CDKAL1: variants seen among roughly 807,000 people sequenced by gnomAD.
The protein encoded by CDKAL1 is CDKAL1 threonylcarbamoyladenosine tRNA methylthiotransferase.
In CDKAL1, 32 loss-of-function variants were observed where a neutral mutation model predicts 68.2. The observed-to-expected ratio is 0.47, with a 90% CI of 0.35 to 0.63. The LOEUF is 0.63. CDKAL1 is among the 30% of genes least tolerant of loss of function. The pLI is 0.00. For synonymous variants in CDKAL1, 234 were observed against 244.3 expected (o/e 0.96, Z 0.39); for missense variants, 606 against 696.7 (o/e 0.87, Z 1.47).
At position 21,191,387 on chromosome 6, in the gene CDKAL1, C is replaced by A. The variant is rs1022339042; in HGVS notation, c.1300-6634C>A. Among the ~76,000 whole-genome samples, 9 of 152,286 alleles carry A rather than the reference C, an allele frequency of 5.9e-5. No homozygotes were observed. In the East Asian group the frequency reaches 1.7e-3, roughly 29 times the overall value. On this transcript the variant is annotated intron_variant, in intron 13 of 15. Transcript: ENST00000274695. ...TTGGGAAATTTAAGCATAGATGTGA[C>A]ACAAATGACACAGCTAGCTGATTAT...
chr6:20,730,494 A>AAAAG (rs143289855), intron 5 of CDKAL1, among the ~76,000 whole-genome samples: 110 of 151,292 alleles, frequency 7.3e-4, no homozygotes, highest in Admixed American at 1.4e-3. Flanking sequence ...AAAGAAAAAG[A>AAAAG]AAAGAAAGAA....
At chr6:21,101,129 A>G (rs1375556411) in intron 12 of CDKAL1, among the ~76,000 whole-genome samples, 5 of 152,224 alleles carry the variant, frequency 3.3e-5, no homozygotes, top group African/African-American at 1.2e-4. Flanking sequence ...AGCTGCAGGC[A>G]TAATACAGAG....
chr6:21,214,129 T>G (rs114699395), intron 15 of CDKAL1, among the ~76,000 whole-genome samples: 71 of 152,124 alleles, frequency 4.7e-4, no homozygotes, highest in African/African-American at 1.7e-3. Context: ...AATAGGCAAA[T>G]TCATAGAGAC....
intron 12 of CDKAL1, among the ~76,000 whole-genome samples, chr6:21,095,516 T>C (rs1455650155): frequency 6.6e-6 from 1 of 152,138 alleles, no homozygotes; most frequent in Non-Finnish European, 1.5e-5. Context: ...TACTTTATTT[T>C]TCTCTTGCTT....
At chr6:21,053,953 T>C (rs2150915870) in intron 11 of CDKAL1, among the ~76,000 whole-genome samples, 1 of 152,342 alleles carries the variant, frequency 6.6e-6, no homozygotes, top group South Asian at 2.1e-4. Flanking sequence ...GTAAGTTTAA[T>C]TTCTTAGTTT....
chr6:20,944,143 C>T (rs1181526448), intron 9 of CDKAL1, among the ~76,000 whole-genome samples: 1 of 152,228 alleles, frequency 6.6e-6, no homozygotes, highest in East Asian at 1.9e-4. Context: ...CCTGTCTGTA[C>T]TGTGACCTGG....
At chr6:20,659,598 T>C (rs1210968013) in intron 5 of CDKAL1, among the ~76,000 whole-genome samples, 1 of 152,204 alleles carries the variant, frequency 6.6e-6, no homozygotes, top group Non-Finnish European at 1.5e-5. Context: ...CCTTCCACTG[T>C]TTGGATATTG....
chr6:21,186,847 CATA>C (rs778834618), intron 13 of CDKAL1, among the ~76,000 whole-genome samples: 34 of 151,968 alleles, frequency 2.2e-4, no homozygotes, highest in Non-Finnish European at 3.7e-4. Flanking sequence ...AAAACAACAT[CATA>C]ATGTTTTAGA....
At chr6:20,626,552 A>G (rs1217802370) in intron 4 of CDKAL1, among the ~76,000 whole-genome samples, 3 of 152,196 alleles carry the variant, frequency 2.0e-5, no homozygotes, top group African/African-American at 7.2e-5. Context: ...CATTAATAAT[A>G]TTTTAAAACT....
chr6:20,787,382 C>G lies in CDKAL1; in HGVS notation c.638+6117C>G, dbSNP rs374454714. 2.1e-4 allele frequency among the ~76,000 whole-genome samples: 32 copies of G among 152,126 alleles called. 1 individual carries two copies. In the East Asian group the frequency reaches 2.3e-3, roughly 11 times the overall value. On this transcript the variant is annotated intron_variant, in intron 8 of 15. Transcript: ENST00000274695. ...CCTATTCCATTTCTGGATACGTAGG[C>G]TATCTACAAATATTTGAATGGATAT...
At chr6:20,578,949 C>A (rs1269341414) in intron 4 of CDKAL1, among the ~76,000 whole-genome samples, 1 of 152,110 alleles carries the variant, frequency 6.6e-6, no homozygotes. Flanking sequence ...GAAAGAAGTG[C>A]AGTAGCTAGT....
intron 4 of CDKAL1, among the ~76,000 whole-genome samples, chr6:20,604,814 A>G (rs1766265021): frequency 6.6e-6 from 1 of 152,084 alleles, no homozygotes; most frequent in African/African-American, 2.4e-5. Context: ...TGTCTCTTTG[A>G]CTCTGGGATT....
chr6:21,115,316 C>A (rs1774353950), intron 13 of CDKAL1, among the ~76,000 whole-genome samples: 1 of 152,200 alleles, frequency 6.6e-6, no homozygotes, highest in Non-Finnish European at 1.5e-5. Context: ...CATAATGTAG[C>A]AACAGAGTGC....
chr6:21,211,183 G>A (rs993499100), intron 15 of CDKAL1, among the ~76,000 whole-genome samples: 3 of 152,182 alleles, frequency 2.0e-5, no homozygotes, highest in Non-Finnish European at 4.4e-5. Context: ...GGCAAGTAAA[G>A]AAGGAAATTT....
intron 10 of CDKAL1, among the ~76,000 whole-genome samples, chr6:20,969,231 A>G (rs755078598): frequency 6.6e-6 from 1 of 152,200 alleles, no homozygotes; most frequent in Non-Finnish European, 1.5e-5. Flanking sequence ...AGGAAGCCTC[A>G]CCATTAACAT....
At chr6:21,220,401 G>GA (rs1446731355) in intron 15 of CDKAL1, among the ~76,000 whole-genome samples, 2 of 152,088 alleles carry the variant, frequency 1.3e-5, no homozygotes, top group Non-Finnish European at 2.9e-5. Context: ...TCTCTTTGGA[G>GA]AAAAAAATTT....
intron 12 of CDKAL1, among the ~76,000 whole-genome samples, chr6:21,082,018 A>G (rs1336731844): frequency 1.4e-5 from 2 of 144,402 alleles, no homozygotes; most frequent in Admixed American, 7.5e-5. Flanking sequence ...CTGTGTATTC[A>G]GGTCAATGGA....
At chr6:20,628,300 C>G (rs1217785118) in intron 4 of CDKAL1, among the ~76,000 whole-genome samples, 1 of 151,880 alleles carries the variant, frequency 6.6e-6, no homozygotes, top group East Asian at 1.9e-4. Context: ...AGTGTTTTTA[C>G]CTTGAATAGG....
At chr6:21,129,178 A>G (rs1775164144) in intron 13 of CDKAL1, among the ~76,000 whole-genome samples, 1 of 152,232 alleles carries the variant, frequency 6.6e-6, no homozygotes, top group African/African-American at 2.4e-5. Context: ...ATAATTATAA[A>G]TTCTATCCAT....
Sources: gnomAD v4.1 joint callset for allele counts (sites outside exome capture counted in the v4.1 genomes callset) on GRCh38, gnomAD v4.1.1 for gene constraint, MANE v1.5 for transcripts, NCBI Gene and HGNC (gene_info 2026-07-23, HGNC 2026-07-21) for gene names.